CLCA2: variants seen among roughly 807,000 people sequenced by gnomAD.
CLCA2 encodes chloride channel accessory 2, also known as calcium-activated chloride channel regulator 2.
Under a neutral mutation model 82.9 loss-of-function variants are expected in CLCA2, and 85 were observed. That is an observed-to-expected ratio of 1.03 (90% confidence interval 0.86 to 1.23). The LOEUF is 1.23. Among genes scored for constraint, CLCA2 ranks in the 50% most tolerant of loss-of-function variants. CLCA2 has a pLI of 0.00. For synonymous variants in CLCA2, 421 were observed against 391.7 expected, an observed-to-expected ratio of 1.07 and a Z score of -0.88; for missense variants, 1,089 against 1,124.8, an observed-to-expected ratio of 0.97 and a Z score of 0.45.
At chr1:86,444,879 TTTGTTGTTGTTGTTG>T (rs199948615) in intron 10 of CLCA2, among the ~76,000 whole-genome samples, 2 of 148,132 alleles carry the variant, frequency 1.4e-5, no homozygotes, top group African/African-American at 5.0e-5. Flanking sequence ...CACCCCCACT[TTTGTTGTTGTTGTTG>T]TTGTTGTTGT....
At chr1:86,436,915 G>A (rs1662623104) in intron 6 of CLCA2, among the ~76,000 whole-genome samples, 1 of 152,064 alleles carries the variant, frequency 6.6e-6, no homozygotes, top group Non-Finnish European at 1.5e-5. Context: ...GTTTCTCCAT[G>A]ATTGGTCAGG....
chr1:86,450,493 T>C, intron 11 of CLCA2, 70 bp from the exon 12 acceptor site: 1 of 1,255,954 alleles, frequency 8.0e-7, no homozygotes, highest in Non-Finnish European at 1.1e-6. Flanking sequence ...TAAATCTCAT[T>C]TTTAATGACT....
chr1:86,452,882 G>A (rs2101713416), intron 12 of CLCA2, among the ~76,000 whole-genome samples: 1 of 152,232 alleles, frequency 6.6e-6, no homozygotes, highest in East Asian at 1.9e-4. Context: ...CCCTCCATAA[G>A]TATTTACTGA....
intron 2 of CLCA2, among the ~76,000 whole-genome samples, chr1:86,426,773 T>C (rs1662393322): frequency 6.6e-6 from 1 of 152,186 alleles, no homozygotes; most frequent in Non-Finnish European, 1.5e-5. Flanking sequence ...CCATGCTTTT[T>C]GCACTAAGCT....
chr1:86,454,991 G>C, intron 13 of CLCA2, 94 bp from the exon 14 acceptor site: 1 of 637,988 alleles, frequency 1.6e-6, no homozygotes, highest in East Asian at 3.0e-5. Flanking sequence ...TAAATATTTT[G>C]ACTTTTTGTT....
At chr1:86,425,276 A>C in intron 1 of CLCA2, 63 bp from the exon 2 acceptor site, 1 of 1,312,496 alleles carries the variant, frequency 7.6e-7, no homozygotes, top group Non-Finnish European at 1.0e-6. Context: ...TAAGCATACC[A>C]GAAAACCAAA....
intron 3 of CLCA2, among the ~76,000 whole-genome samples, chr1:86,429,902 T>C (rs1328116624): frequency 6.6e-6 from 1 of 152,178 alleles, no homozygotes; most frequent in Non-Finnish European, 1.5e-5. Flanking sequence ...CCTGGTAACC[T>C]TGAGATGCTG....
chr1:86,434,145 C>A lies in CLCA2; in HGVS notation c.745-373C>A, dbSNP rs537187380. Among the ~76,000 whole-genome samples the A allele has an allele frequency of 7.9e-5, 12 of 152,168 alleles. No individual in the cohort carries two copies. In the South Asian group the frequency reaches 1.0e-3, roughly 13 times the overall value. ...ATTAAATATTATTCCAAGGAGTAGG[C>A]TGATCATGATAACTTCTTCTGGCTG... On this transcript the variant is annotated intron_variant, in intron 5 of 13. Coordinates refer to ENST00000370565, the MANE Select transcript of CLCA2 (RefSeq NM_006536.7).
intron 12 of CLCA2, among the ~76,000 whole-genome samples, chr1:86,453,013 A>G (rs1402772212): frequency 6.6e-6 from 1 of 152,090 alleles, no homozygotes; most frequent in African/African-American, 2.4e-5. Context: ...TCTCTACTAA[A>G]AATACAAAAA....
rs1185646045 is a variant in CLCA2, at chr1:86,447,565, G to A, written c.1771G>A (p.Val591Met). ...NTHHSLQALK[V>M]TVTSRASNSA... The stretch of plus-strand genomic sequence containing the variant: ...CCATCATTCTCTGCAAGCCCTGAAA[G>A]TGACAGTGACCTCTCGCGCCTCCAA... The change falls in exon 11 of 14, where the codon GTG becomes ATG. Residue 591 changes from valine to methionine, a missense_variant. Coordinates refer to ENST00000370565, the MANE Select transcript of CLCA2 (RefSeq NM_006536.7). 1.2e-6 allele frequency: 2 copies of A among 1,614,144 alleles called. No individual in the cohort carries two copies. The highest frequency in any genetic ancestry group is 1.1e-5 in the South Asian group (1 of 91,080).
intron 8 of CLCA2, 37 bp from the exon 9 acceptor site, chr1:86,441,400 C>T (rs952810059): frequency 3.4e-6 from 4 of 1,179,748 alleles, no homozygotes; most frequent in Non-Finnish European, 3.7e-6. Context: ...TTTATTTTAC[C>T]CATTTTAATA....
intron 4 of CLCA2, among the ~76,000 whole-genome samples, chr1:86,432,064 T>C (rs1349081045): frequency 2.0e-5 from 3 of 152,110 alleles, no homozygotes; most frequent in Non-Finnish European, 4.4e-5. Flanking sequence ...GCCTCCTCAG[T>C]AGCTAGGATT....
At chr1:86,436,649 A>T (rs1381333290) in intron 6 of CLCA2, among the ~76,000 whole-genome samples, 2 of 152,168 alleles carry the variant, frequency 1.3e-5, no homozygotes, top group African/African-American at 2.4e-5. Context: ...TAATATAGCC[A>T]GCATTTGAAT....
At chr1:86,425,834 C>A (rs1032718659) in intron 2 of CLCA2, among the ~76,000 whole-genome samples, 1 of 152,154 alleles carries the variant, frequency 6.6e-6, no homozygotes, top group South Asian at 2.1e-4. Context: ...CATTTACCAT[C>A]CTGTCAGGAG....
chr1:86,442,739 G>A (rs1377693657), intron 9 of CLCA2, among the ~76,000 whole-genome samples: 1 of 152,204 alleles, frequency 6.6e-6, no homozygotes, highest in Non-Finnish European at 1.5e-5. Flanking sequence ...GTTATTTAGA[G>A]ACTTGTATCC....
chr1:86,444,155 T>C, intron 10 of CLCA2, 144 bp downstream of exon 10: 2 of 613,798 alleles, frequency 3.3e-6, no homozygotes, highest in South Asian at 2.1e-5. Context: ...GGCCATTTTG[T>C]GAATATTAAA....
chr1:86,441,921 G>A (rs1662744465), intron 9 of CLCA2, among the ~76,000 whole-genome samples: 1 of 152,196 alleles, frequency 6.6e-6, no homozygotes, highest in Non-Finnish European at 1.5e-5. Flanking sequence ...CAACATCTTT[G>A]AAGCTCTTCC....
Position 86,434,717 on chromosome 1 carries a change from T to G in CLCA2, c.944T>G (p.Val315Gly). 6 of 1,613,804 alleles carry G rather than the reference T, an allele frequency of 3.7e-6. No individual in the cohort carries two copies. The highest frequency in any genetic ancestry group is 5.1e-6 in the Non-Finnish European group (6 of 1,179,680). ...GCTGGTGACAAAGTGGTCTGTTTAG[T>G]GCTGGATGTGTCCAGCAAGATGGCA... ...VQAGDKVVCL[V>G]LDVSSKMAEA... is the part of the protein sequence containing the mutation. The change falls in exon 6 of 14, where the codon GTG (valine) becomes GGG (glycine). Residue 315 changes from valine (V) to glycine (G), a missense_variant. By Grantham distance (109) the Val-to-Gly change is moderately radical. Transcript: ENST00000370565.
intron 3 of CLCA2, among the ~76,000 whole-genome samples, chr1:86,430,654 A>C (rs115342725): frequency 0.011 from 1,675 of 152,290 alleles, 14 homozygotes; most frequent in Non-Finnish European, 0.019. Context: ...ACATATTTTC[A>C]TGCTGCCTTT....
Sources: gnomAD v4.1 joint callset for allele counts (sites outside exome capture counted in the v4.1 genomes callset) on GRCh38, gnomAD v4.1.1 for gene constraint, MANE v1.5 for transcripts, NCBI Gene and HGNC (gene_info 2026-07-23, HGNC 2026-07-21) for gene names.